The following TMEFF1 variants were observed in gnomAD, a reference collection of about 807,000 sequenced individuals.
The protein encoded by TMEFF1 is transmembrane protein with EGF like and two follistatin like domains 1, also known as tomoregulin-1.
TMEFF1 carries 20 observed loss-of-function variants against 47.5 expected under a neutral mutation model. The ratio of observed to expected loss-of-function variants is 0.42; its 90% CI spans 0.30 to 0.61. The LOEUF is 0.61. Ranked by LOEUF, TMEFF1 falls within the 20% of genes least tolerant of loss-of-function variation. The pLI is 0.19. For missense variants in TMEFF1, 411 were observed against 471.1 expected, an observed-to-expected ratio of 0.87 and a Z score of 1.18; for synonymous variants, 162 against 166.3, an observed-to-expected ratio of 0.97 and a Z score of 0.20.
chr9:100,532,389 T>G (rs1050165220), intron 5 of TMEFF1, among the ~76,000 whole-genome samples: 35 of 151,826 alleles, frequency 2.3e-4, no homozygotes, highest in Non-Finnish European at 4.6e-4. Flanking sequence ...TCCAACAAAT[T>G]TACAAGAAAA....
intron 7 of TMEFF1, among the ~76,000 whole-genome samples, chr9:100,558,036 A>G (rs1440922360): frequency 6.6e-6 from 1 of 152,110 alleles, no homozygotes; most frequent in East Asian, 1.9e-4. Context: ...TTGATACCAC[A>G]TTCTTTCATT....
intron 1 of TMEFF1, among the ~76,000 whole-genome samples, chr9:100,474,043 T>TC (rs1471536058): frequency 6.6e-6 from 1 of 151,420 alleles, no homozygotes; most frequent in African/African-American, 2.4e-5. Flanking sequence ...CGGCCGGGGC[T>TC]CCCGGTGTGG....
intron 7 of TMEFF1, among the ~76,000 whole-genome samples, chr9:100,559,732 GAGA>G (rs1838980457): frequency 6.6e-6 from 1 of 152,226 alleles, no homozygotes; most frequent in South Asian, 2.1e-4. Flanking sequence ...TTCCCTCAGA[GAGA>G]AGAAGTGATT....
At chr9:100,560,989 A>G (rs917789119) in intron 7 of TMEFF1, among the ~76,000 whole-genome samples, 2 of 152,196 alleles carry the variant, frequency 1.3e-5, no homozygotes, top group East Asian at 1.9e-4. Context: ...CCTCAATTTC[A>G]TAGCCCTCAA....
At chr9:100,533,870 C>A (rs1006488022) in intron 5 of TMEFF1, among the ~76,000 whole-genome samples, 3 of 152,110 alleles carry the variant, frequency 2.0e-5, no homozygotes, top group African/African-American at 7.2e-5. Context: ...AGGCGTGCAC[C>A]ACCATGCCCA....
intron 3 of TMEFF1, among the ~76,000 whole-genome samples, chr9:100,511,682 CAG>C (rs922570192): frequency 1.3e-5 from 2 of 152,156 alleles, no homozygotes; most frequent in African/African-American, 4.8e-5. Flanking sequence ...CATCTCCTGG[CAG>C]AGTTTGTTTA....
chr9:100,536,595 T>G (rs1488717630), intron 5 of TMEFF1, among the ~76,000 whole-genome samples: 1 of 152,252 alleles, frequency 6.6e-6, no homozygotes, highest in Non-Finnish European at 1.5e-5. Flanking sequence ...CTTTTAGGAT[T>G]ACATTTCTTT....
In TMEFF1 at chr9:100,473,857, C is replaced by A; in HGVS notation, c.196+117C>A. On this transcript the variant is annotated intron_variant, in intron 1 of 9. Transcript: ENST00000374879. This position sits in a 1 kb window ranked among gnomAD's most constrained non-coding sequence, Gnocchi z 5.4. Reference sequence around the variant, plus strand: ...CCGTCGTGGGGGTCCCAGGGGTGGGCCCGAGGGTGAGCGAGGGCGGAGGGC... The same window carrying A: ...CCGTCGTGGGGGTCCCAGGGGTGGGACCGAGGGTGAGCGAGGGCGGAGGGC... 8.0e-7 allele frequency: 1 copy of A among 1,242,770 alleles called. No homozygotes were observed. The highest frequency in any genetic ancestry group is 1.0e-6 in the Non-Finnish European group (1 of 960,176). 77.0% of individuals were successfully genotyped at this position (1,242,770 alleles called of 1,614,324 possible).
intron 5 of TMEFF1, among the ~76,000 whole-genome samples, chr9:100,531,372 AAAC>A (rs1406624246): frequency 1.3e-5 from 2 of 152,254 alleles, no homozygotes. Flanking sequence ...TTAAGCTGAT[AAAC>A]AACTTCAGCA....
At chr9:100,518,410 A>G (rs943073721) in intron 5 of TMEFF1, 7 of 984,838 alleles carry the variant, frequency 7.1e-6, no homozygotes, top group African/African-American at 5.2e-5. Context: ...TGCCACCACT[A>G]TTGTTGCAGA....
intron 3 of TMEFF1, among the ~76,000 whole-genome samples, chr9:100,509,586 A>G (rs1402192955): frequency 1.3e-5 from 2 of 152,122 alleles, no homozygotes; most frequent in Admixed American, 1.3e-4. Flanking sequence ...ATCCTGGCTA[A>G]CACAGTGAAA....
intron 7 of TMEFF1, among the ~76,000 whole-genome samples, chr9:100,554,934 A>C (rs1361542948): frequency 1.3e-5 from 2 of 152,030 alleles, no homozygotes; most frequent in East Asian, 3.9e-4. Context: ...GCAACTCCTC[A>C]TGCTTTATTT....
chr9:100,555,322 A>C (rs763024670), intron 7 of TMEFF1, among the ~76,000 whole-genome samples: 3 of 152,186 alleles, frequency 2.0e-5, no homozygotes, highest in Non-Finnish European at 4.4e-5. Context: ...TGTGCAGGTG[A>C]CATCTCTGCT....
intron 3 of TMEFF1, among the ~76,000 whole-genome samples, chr9:100,510,081 TAC>T (rs1837935006): frequency 6.6e-6 from 1 of 152,190 alleles, no homozygotes; most frequent in African/African-American, 2.4e-5. Flanking sequence ...CCCTATATAT[TAC>T]AGTGTTCAGA....
intron 6 of TMEFF1, among the ~76,000 whole-genome samples, chr9:100,548,338 G>A (rs1838774641): frequency 6.6e-6 from 1 of 152,146 alleles, no homozygotes; most frequent in South Asian, 2.1e-4. Context: ...TACATATTAT[G>A]TATGATACAG....
chr9:100,505,567 A>G (rs1444616491), intron 2 of TMEFF1, among the ~76,000 whole-genome samples: 2 of 152,206 alleles, frequency 1.3e-5, no homozygotes, highest in African/African-American at 4.8e-5. Flanking sequence ...TATTAAGGAA[A>G]GTCTTGTCAA....
At chr9:100,534,170 T>C (rs1838460105) in intron 5 of TMEFF1, among the ~76,000 whole-genome samples, 1 of 152,120 alleles carries the variant, frequency 6.6e-6, no homozygotes, top group African/African-American at 2.4e-5. Context: ...TGTGGTAGAG[T>C]TTCATGAAAA....
At chr9:100,495,039 T>G (rs566443821) in intron 1 of TMEFF1, among the ~76,000 whole-genome samples, 1 of 152,236 alleles carries the variant, frequency 6.6e-6, no homozygotes, top group Admixed American at 6.5e-5. Context: ...AATGAGAAGT[T>G]TTTTTTGTTG....
chr9:100,547,628 A>G, intron 5 of TMEFF1, 116 bp from the exon 6 acceptor site: 1 of 1,241,786 alleles, frequency 8.1e-7, no homozygotes, highest in Non-Finnish European at 1.0e-6. Context: ...GTGACTTAAA[A>G]CAATATATTG....
Sources: gnomAD v4.1 joint callset for allele counts (sites outside exome capture counted in the v4.1 genomes callset) on GRCh38, gnomAD v4.1.1 for gene constraint, Gnocchi (gnomAD v3.1) non-coding constraint, MANE v1.5 for transcripts, NCBI Gene and HGNC (gene_info 2026-07-23, HGNC 2026-07-21) for gene names.